PTPRD: variants seen among roughly 807,000 people sequenced by gnomAD.
PTPRD encodes receptor-type tyrosine-protein phosphatase delta.
PTPRD carries 34 observed loss-of-function variants against 214.5 expected under a neutral mutation model. The observed-to-expected ratio is 0.16, with a 90% CI of 0.12 to 0.21. PTPRD has a LOEUF of 0.21. Ranked by LOEUF, PTPRD falls within the 10% of genes least tolerant of loss-of-function variation. PTPRD has a pLI of 1.00. For missense variants in PTPRD, 2,545 were observed against 2,398.7 expected, an observed-to-expected ratio of 1.06 and a Z score of -1.27; for synonymous variants, 1,128 against 845.7, an observed-to-expected ratio of 1.33 and a Z score of -5.79.
intron 11 of PTPRD, among the ~76,000 whole-genome samples, chr9:8,787,594 G>T (rs2096042222): frequency 6.6e-6 from 1 of 152,108 alleles, no homozygotes; most frequent in Non-Finnish European, 1.5e-5. Flanking sequence ...AATCCCCCTG[G>T]AAAGATATGT....
At chr9:10,530,448 T>A (rs2055887884) in intron 2 of PTPRD, among the ~76,000 whole-genome samples, 1 of 152,142 alleles carries the variant, frequency 6.6e-6, no homozygotes, top group African/African-American at 2.4e-5. Context: ...AAAAGTACAT[T>A]TTTTTCAGAA....
intron 9 of PTPRD, among the ~76,000 whole-genome samples, chr9:9,221,871 T>C (rs2099956296): frequency 6.6e-6 from 1 of 151,982 alleles, no homozygotes; most frequent in Non-Finnish European, 1.5e-5. Flanking sequence ...AAACAAGAAA[T>C]ACAGTCATCA....
chr9:10,487,145 C>T (rs2099138033), intron 2 of PTPRD, among the ~76,000 whole-genome samples: 1 of 152,106 alleles, frequency 6.6e-6, no homozygotes, highest in African/African-American at 2.4e-5. Context: ...TTTCCATGGG[C>T]ATATCTCTTT....
At chr9:8,614,254 T>C (rs1031379161) in intron 14 of PTPRD, among the ~76,000 whole-genome samples, 4 of 152,178 alleles carry the variant, frequency 2.6e-5, no homozygotes, top group Non-Finnish European at 4.4e-5. Flanking sequence ...ATACTTATGG[T>C]GATTTCAGCC....
chr9:10,375,284 A>T (rs1489353475), intron 2 of PTPRD, among the ~76,000 whole-genome samples: 2 of 152,004 alleles, frequency 1.3e-5, no homozygotes, highest in African/African-American at 4.8e-5. Flanking sequence ...GCTTTGGGGG[A>T]TAATTCTATG....
intron 11 of PTPRD, among the ~76,000 whole-genome samples, chr9:8,917,373 G>A (rs2098794655): frequency 1.3e-5 from 2 of 150,736 alleles, no homozygotes; most frequent in African/African-American, 2.4e-5. Flanking sequence ...CCTGACCTCT[G>A]GTGATCCACC....
At chr9:9,558,603 T>C (rs2082112717) in intron 8 of PTPRD, among the ~76,000 whole-genome samples, 1 of 152,196 alleles carries the variant, frequency 6.6e-6, no homozygotes, top group East Asian at 1.9e-4. Context: ...GCCTGTTACA[T>C]ACATAAGCGT....
chr9:9,980,866 T>TA (rs71321206), intron 4 of PTPRD, among the ~76,000 whole-genome samples: 18 of 151,644 alleles, frequency 1.2e-4, no homozygotes, highest in East Asian at 3.9e-4. Flanking sequence ...TTGTTTGCAA[T>TA]AAAAAATGCT....
intron 3 of PTPRD, among the ~76,000 whole-genome samples, chr9:10,147,836 C>T (rs375909219): frequency 7.9e-5 from 12 of 152,212 alleles, no homozygotes; most frequent in African/African-American, 2.6e-4. Context: ...GTCAAGATCA[C>T]GCCACTGCAC....
intron 39 of PTPRD, among the ~76,000 whole-genome samples, chr9:8,373,177 A>T (rs1207849110): frequency 6.6e-6 from 1 of 151,946 alleles, no homozygotes; most frequent in Non-Finnish European, 1.5e-5. Context: ...TACACGGATA[A>T]CTGTCATTTA....
intron 5 of PTPRD, among the ~76,000 whole-genome samples, chr9:9,776,258 ACT>A (rs1307343818): frequency 6.6e-6 from 1 of 151,812 alleles, no homozygotes; most frequent in Non-Finnish European, 1.5e-5. Context: ...CCTATCTAAA[ACT>A]CTACTGAGGC....
chr9:8,986,732 G>C (rs2154344280), intron 11 of PTPRD, among the ~76,000 whole-genome samples: 1 of 152,150 alleles, frequency 6.6e-6, no homozygotes, highest in Non-Finnish European at 1.5e-5. Context: ...ACTAGATTGG[G>C]AAGTGCCAGA....
chr9:8,416,098 C>G (rs527887678), intron 35 of PTPRD, among the ~76,000 whole-genome samples: 2 of 152,026 alleles, frequency 1.3e-5, no homozygotes, highest in South Asian at 4.2e-4. Context: ...CCCCTGAACA[C>G]ATGTATACAA....
intron 4 of PTPRD, among the ~76,000 whole-genome samples, chr9:9,939,496 C>T (rs1012462745): frequency 1.3e-5 from 2 of 152,260 alleles, no homozygotes; most frequent in Non-Finnish European, 2.9e-5. Flanking sequence ...TTGGTGACCT[C>T]CTTTTTGATG....
At chr9:8,645,390 C>G (rs79428227) in intron 12 of PTPRD, among the ~76,000 whole-genome samples, 17,221 of 152,218 alleles carry the variant, frequency 0.11, 1,017 homozygotes, top group East Asian at 0.19. Context: ...TCCATTTGCT[C>G]ATGATTTAAA....
At chr9:8,714,061 C>T (rs910348096) in intron 12 of PTPRD, among the ~76,000 whole-genome samples, 2 of 152,036 alleles carry the variant, frequency 1.3e-5, no homozygotes, top group Non-Finnish European at 2.9e-5. Flanking sequence ...TACTATTGGC[C>T]ATAATAATGA....
intron 14 of PTPRD, among the ~76,000 whole-genome samples, chr9:8,558,862 G>A (rs2085031118): frequency 6.6e-6 from 1 of 151,990 alleles, no homozygotes; most frequent in South Asian, 2.1e-4. Flanking sequence ...AATGGTGCTT[G>A]GCATTCTAAA....
intron 8 of PTPRD, among the ~76,000 whole-genome samples, chr9:9,476,782 C>G (rs539580321): frequency 6.6e-6 from 1 of 152,188 alleles, no homozygotes; most frequent in African/African-American, 2.4e-5. Flanking sequence ...GTTGCCCAGG[C>G]TGGAGGGCGA....
chr9:8,315,255 G>A lies in PTPRD; in HGVS notation c.*2619C>T, dbSNP rs536725090. ...CAGTAAGATTCCCGCAATAGTCTCC[G>A]CCTCGTTCGTCTATGGTATGCATCC... On this transcript the variant is annotated 3_prime_UTR_variant, in exon 46 of 46. Transcript: ENST00000381196. 6.0e-5 allele frequency: 14 copies of A among 232,484 alleles called. No homozygotes were observed. Among genetic ancestry groups the A allele is most frequent in the African/African-American group, 2.2e-4 (10 of 45,202 alleles). 14.4% of individuals were successfully genotyped at this position (232,484 alleles called of 1,614,324 possible).
Sources: allele counts gnomAD v4.1 joint callset (sites outside exome capture counted in the v4.1 genomes callset), GRCh38; gene constraint gnomAD v4.1.1; transcripts MANE v1.5; gene names NCBI Gene and HGNC (gene_info 2026-07-23, HGNC 2026-07-21).